Variants in MAGI2 observed in about 807,000 individuals in gnomAD.
The protein encoded by MAGI2 is membrane-associated guanylate kinase, WW and PDZ domain-containing protein 2.
Under a neutral mutation model 133.3 loss-of-function variants are expected in MAGI2, and 35 were observed. The observed-to-expected ratio is 0.26, with a 90% CI of 0.20 to 0.35. MAGI2 has a LOEUF of 0.35. MAGI2 is among the 10% of genes least tolerant of loss of function. The pLI, the probability that MAGI2 is intolerant of heterozygous loss-of-function variation, is 1.00. For synonymous variants in MAGI2, 729 were observed against 710.6 expected, an observed-to-expected ratio of 1.03 and a Z score of -0.41; for missense variants, 1,636 against 1,863.4, an observed-to-expected ratio of 0.88 and a Z score of 2.25.
intron 1 of MAGI2, among the ~76,000 whole-genome samples, chr7:79,134,038 A>C (rs1339360169): frequency 6.6e-6 from 1 of 152,230 alleles, no homozygotes; most frequent in African/African-American, 2.4e-5. Flanking sequence ...CCTAAGACAA[A>C]GCAATACAAA....
intron 1 of MAGI2, among the ~76,000 whole-genome samples, chr7:79,293,302 C>T (rs1836649707): frequency 6.6e-6 from 1 of 152,110 alleles, no homozygotes; most frequent in Admixed American, 6.6e-5. Context: ...CTTTCATTCC[C>T]TAGCTGCTCT....
chr7:79,039,036 C>A (rs992708259), intron 1 of MAGI2, among the ~76,000 whole-genome samples: 2 of 152,170 alleles, frequency 1.3e-5, no homozygotes, highest in African/African-American at 4.8e-5. Context: ...CCCACCCACT[C>A]ATCTTGAATT....
intron 1 of MAGI2, among the ~76,000 whole-genome samples, chr7:79,251,673 T>C (rs1833283162): frequency 6.6e-6 from 1 of 152,330 alleles, no homozygotes; most frequent in South Asian, 2.1e-4. Context: ...GAGAATAGTT[T>C]GGAGGTTCAT....
intron 3 of MAGI2, among the ~76,000 whole-genome samples, chr7:78,608,367 T>C (rs1313186637): frequency 6.6e-6 from 1 of 152,040 alleles, no homozygotes; most frequent in African/African-American, 2.4e-5. Context: ...GGTATCAGTG[T>C]CCTCATATGT....
chr7:79,083,694 AC>A (rs1327781965), intron 1 of MAGI2, among the ~76,000 whole-genome samples: 1 of 151,678 alleles, frequency 6.6e-6, no homozygotes, highest in East Asian at 1.9e-4. Context: ...AATAACTTGG[AC>A]AGTTTTGCCT....
intron 4 of MAGI2, among the ~76,000 whole-genome samples, chr7:78,510,941 C>T (rs1795508933): frequency 6.6e-6 from 1 of 152,208 alleles, no homozygotes; most frequent in African/African-American, 2.4e-5. Flanking sequence ...ATAACTGACT[C>T]CTCCTCACTC....
At chr7:78,407,751 G>T (rs1797519271) in intron 6 of MAGI2, among the ~76,000 whole-genome samples, 1 of 151,778 alleles carries the variant, frequency 6.6e-6, no homozygotes, top group Non-Finnish European at 1.5e-5. Flanking sequence ...CACAAGAAAA[G>T]TCCATTGCAG....
chr7:79,453,443 C>T lies in MAGI2; in HGVS notation c.-123G>A. ...AGAACAGCAGACTTTGCCTTCGCCC[C>T]CCTCTATTCGGTGCTTTCCCTCTTC... is the stretch of plus-strand genomic sequence containing the variant. On this transcript the variant is annotated 5_prime_UTR_variant, in exon 1 of 22. Transcript: ENST00000354212. The T allele has an allele frequency of 6.7e-7, 1 of 1,490,422 alleles. No individual in the cohort carries two copies. Among genetic ancestry groups the T allele is most frequent in the East Asian group, 2.3e-5 (1 of 43,478 alleles). The allele number at this position is 1,490,422 out of a possible 1,614,324, so 92.3% of individuals were successfully genotyped here. A position where few individuals can be genotyped will look rare whatever the true frequency, so the allele number is the denominator to read the frequency against.
At chr7:78,652,942 A>C (rs1168949341) in intron 2 of MAGI2, among the ~76,000 whole-genome samples, 4 of 151,322 alleles carry the variant, frequency 2.6e-5, no homozygotes, top group Middle Eastern at 3.2e-3. Context: ...TTACAAGGGA[A>C]AAAAAAAACA....
In MAGI2 at chr7:78,281,828, G is replaced by A. The variant is rs13241166; in HGVS notation, c.1409-25247C>T. Among the ~76,000 whole-genome samples, 1,200 of 149,558 alleles carry A rather than the reference G, an allele frequency of 8.0e-3. 7 individuals carry two copies. Among genetic ancestry groups the A allele is most frequent in the Middle Eastern group, 0.048 (14 of 290 alleles). ...TTGCTAAACTCAAAATACTCTATGG[G>A]ACTATCCTAATAACCTTATTTCATG... On this transcript the variant is annotated intron_variant, in intron 9 of 21. Coordinates refer to ENST00000354212, the MANE Select transcript of MAGI2 (RefSeq NM_012301.4).
chr7:78,167,782 A>G (rs1407747423), intron 15 of MAGI2, 134 bp downstream of exon 15: 5 of 790,072 alleles, frequency 6.3e-6, no homozygotes, highest in Admixed American at 2.4e-5. Flanking sequence ...TTACTTTTGG[A>G]ATATCTAGGT....
At chr7:78,820,971 T>C (rs1790040808) in intron 2 of MAGI2, among the ~76,000 whole-genome samples, 1 of 152,010 alleles carries the variant, frequency 6.6e-6, no homozygotes, top group Admixed American at 6.6e-5. Flanking sequence ...TATTTCATAA[T>C]AGAGAGATAA....
At chr7:79,204,390 C>T (rs1828862616) in intron 1 of MAGI2, among the ~76,000 whole-genome samples, 1 of 152,056 alleles carries the variant, frequency 6.6e-6, no homozygotes, top group Non-Finnish European at 1.5e-5. Flanking sequence ...GCTAGTGGTG[C>T]ATTTGCCATA....
At chr7:78,629,304 C>G (rs890277851) in intron 2 of MAGI2, among the ~76,000 whole-genome samples, 3 of 152,324 alleles carry the variant, frequency 2.0e-5, no homozygotes, top group South Asian at 2.1e-4. Context: ...CCTACTTGGA[C>G]TGGCAGTTCA....
rs1826758710 is a variant in MAGI2, at chr7:79,183,078, G to A, written c.302-175872C>T. 2.0e-5 allele frequency among the ~76,000 whole-genome samples: 3 copies of A among 151,986 alleles called. No individual in the cohort carries two copies. The South Asian group carries it at 6.2e-4, about 32-fold the overall frequency. ...AGGCAGAAGGGGATAAACAGAGGTT[G>A]GTTAATGGGTACAAACATGCAGTTA... On this transcript the variant is annotated intron_variant, in intron 1 of 21. Coordinates refer to ENST00000354212, the MANE Select transcript of MAGI2 (RefSeq NM_012301.4).
At chr7:78,786,421 T>C (rs1486586321) in intron 2 of MAGI2, among the ~76,000 whole-genome samples, 1 of 152,202 alleles carries the variant, frequency 6.6e-6, no homozygotes, top group Non-Finnish European at 1.5e-5. Flanking sequence ...AGAGTTCCTA[T>C]TTCATTCAAA....
chr7:78,063,348 C>T (rs1813478443), intron 21 of MAGI2, among the ~76,000 whole-genome samples: 1 of 152,136 alleles, frequency 6.6e-6, no homozygotes, highest in East Asian at 1.9e-4. Flanking sequence ...CTCAAGAAAT[C>T]CTCTTGCCTC....
chr7:78,349,559 G>T (rs1426741544), intron 7 of MAGI2, among the ~76,000 whole-genome samples: 1 of 152,130 alleles, frequency 6.6e-6, no homozygotes, highest in Non-Finnish European at 1.5e-5. Flanking sequence ...TGGTCACTAT[G>T]TTGAAAATAT....
intron 2 of MAGI2, among the ~76,000 whole-genome samples, chr7:79,002,036 TCTC>T (rs1806910671): frequency 6.6e-6 from 1 of 152,124 alleles, no homozygotes; most frequent in African/African-American, 2.4e-5. Flanking sequence ...TTTTCTCCCT[TCTC>T]CTGAAGTTCA....
Sources: gnomAD v4.1 joint callset for allele counts (sites outside exome capture counted in the v4.1 genomes callset) on GRCh38, gnomAD v4.1.1 for gene constraint, MANE v1.5 for transcripts, NCBI Gene and HGNC (gene_info 2026-07-23, HGNC 2026-07-21) for gene names.